KLRG1: variants seen among roughly 807,000 people sequenced by gnomAD.
The protein encoded by KLRG1 is killer cell lectin-like receptor subfamily G member 1.
KLRG1 carries 16 observed loss-of-function variants against 21.8 expected under a neutral mutation model. The ratio of observed to expected loss-of-function variants is 0.73; its 90% CI spans 0.50 to 1.11. The LOEUF (loss-of-function observed/expected upper bound fraction) is 1.11. Among genes scored for constraint, KLRG1 ranks in the 50% most tolerant of loss-of-function variants. KLRG1 has a pLI of 0.00. For synonymous variants in KLRG1, 69 were observed against 75.9 expected (o/e 0.91, Z 0.47); for missense variants, 173 against 218.3 (o/e 0.79, Z 1.31).
chr12:9,077,890 G>A, the KLRG1 span: 6 of 1,613,628 alleles, frequency 3.7e-6, no homozygotes, highest in Non-Finnish European at 5.1e-6. Context: ...TGATGTTTAT[G>A]TTGTCAAAAT....
Position 8,958,561 on chromosome 12 carries a change from A to G in KLRG1, c.-156+8325A>G, listed in dbSNP as rs116604182. ...AAAAGCAACCTGTCAATTTCTGTTA[A>G]AAAATCCTGCTGGGGCAAGGCATAG... On this transcript the variant is annotated intron_variant, in intron 1 of 4. Transcript: ENST00000539240. Among the ~76,000 whole-genome samples, 1,466 of 152,284 alleles carry G rather than the reference A, an allele frequency of 9.6e-3. 20 individuals are homozygous for G. Among genetic ancestry groups the G allele is most frequent in the African/African-American group, 0.033 (1,374 of 41,548 alleles).
At chr12:9,022,513 C>T in the KLRG1 span, among the ~76,000 whole-genome samples, 12,155 of 152,126 alleles carry the variant, frequency 0.08, 739 homozygotes, top group African/African-American at 0.17. Context: ...TTGGGATCTC[C>T]GGAGTGGTAA....
the KLRG1 span, among the ~76,000 whole-genome samples, chr12:9,209,784 C>T: frequency 6.6e-6 from 1 of 152,000 alleles, no homozygotes; most frequent in Non-Finnish European, 1.5e-5. Flanking sequence ...TAATATATAG[C>T]ATAATTTTGT....
At chr12:9,109,953 G>C in the KLRG1 span, 1 of 1,613,886 alleles carries the variant, frequency 6.2e-7, no homozygotes, top group East Asian at 2.2e-5. Context: ...GAAGGGCTCT[G>C]ATGAGAGGGG....
chr12:9,014,465 T>G (rs965961186), downstream of KLRG1, among the ~76,000 whole-genome samples: 1 of 152,134 alleles, frequency 6.6e-6, no homozygotes, highest in African/African-American at 2.4e-5. Flanking sequence ...ATATTTAAAG[T>G]GCTGAAGGAA....
the KLRG1 span, chr12:9,201,326 C>T: frequency 4.9e-5 from 76 of 1,549,178 alleles, no homozygotes; most frequent in East Asian, 1.2e-3. Flanking sequence ...CTGATACTTA[C>T]CTCAAGGTAT....
chr12:9,064,347 G>A, the KLRG1 span: 575 of 154,104 alleles, frequency 3.7e-3, 6 homozygotes, highest in African/African-American at 0.013. The surrounding 1 kb of genome is among the most constrained non-coding windows in gnomAD (Gnocchi z 4.0). Flanking sequence ...GCAGGGAGGG[G>A]CGGGCAGCGG....
At chr12:9,075,466 A>G in the KLRG1 span, among the ~76,000 whole-genome samples, 1 of 152,196 alleles carries the variant, frequency 6.6e-6, no homozygotes, top group Non-Finnish European at 1.5e-5. Flanking sequence ...CCATGAGGAG[A>G]AACTCGATGT....
the KLRG1 span, among the ~76,000 whole-genome samples, chr12:9,177,104 C>T: frequency 9.9e-4 from 150 of 152,266 alleles, 1 homozygote; most frequent in African/African-American, 3.5e-3. Flanking sequence ...TATTCATGCC[C>T]GAACATTGTT....
At chr12:9,053,358 A>G in the KLRG1 span, among the ~76,000 whole-genome samples, 32 of 152,190 alleles carry the variant, frequency 2.1e-4, no homozygotes, top group Non-Finnish European at 3.7e-4. Context: ...ATTAATGGCT[A>G]AGAATGGGAT....
chr12:9,164,227 G>C, the KLRG1 span: 1 of 1,612,878 alleles, frequency 6.2e-7, no homozygotes, highest in South Asian at 1.1e-5. Flanking sequence ...GGGAAGCTAG[G>C]AAGGCTGGAG....
chr12:9,039,423 A>G, the KLRG1 span, among the ~76,000 whole-genome samples: 1 of 152,226 alleles, frequency 6.6e-6, no homozygotes, highest in Non-Finnish European at 1.5e-5. Flanking sequence ...TGACAAAACG[A>G]TCTTATTTGT....
chr12:9,046,332 A>G, the KLRG1 span, among the ~76,000 whole-genome samples: 9 of 152,236 alleles, frequency 5.9e-5, no homozygotes, highest in African/African-American at 1.7e-4. Flanking sequence ...GAACAAAAGG[A>G]ATACTTGAAG....
the KLRG1 span, chr12:9,113,298 A>G: frequency 3.2e-6 from 5 of 1,560,670 alleles, no homozygotes; most frequent in South Asian, 6.0e-5. Flanking sequence ...CTGACAGAAT[A>G]CTAGATCCCT....
the KLRG1 span, among the ~76,000 whole-genome samples, chr12:9,097,530 A>G: frequency 1.3e-5 from 2 of 152,086 alleles, no homozygotes; most frequent in African/African-American, 2.4e-5. Context: ...TCAATTATAT[A>G]GTAGTTCAAT....
the KLRG1 span, among the ~76,000 whole-genome samples, chr12:9,117,564 A>G: frequency 6.6e-6 from 1 of 152,190 alleles, no homozygotes; most frequent in African/African-American, 2.4e-5. Flanking sequence ...TAGCTGGGTG[A>G]GTGAAACAGA....
At chr12:9,112,548 G>T in the KLRG1 span, 4 of 1,613,096 alleles carry the variant, frequency 2.5e-6, no homozygotes, top group East Asian at 2.2e-5. Context: ...TGAAATACAG[G>T]ACCGATCCTG....
At chr12:8,979,185 T>C (rs1364454515) in intron 1 of KLRG1, among the ~76,000 whole-genome samples, 2 of 151,756 alleles carry the variant, frequency 1.3e-5, no homozygotes, top group Non-Finnish European at 2.9e-5. Context: ...TGGTTAATTT[T>C]CTTTGTATTT....
the KLRG1 span, chr12:9,095,794 C>T: frequency 8.7e-7 from 1 of 1,147,528 alleles, no homozygotes; most frequent in South Asian, 1.6e-5. Context: ...GCTCTGTCGC[C>T]CAGGCCGGAC....
Sources: allele counts gnomAD v4.1 joint callset (sites outside exome capture counted in the v4.1 genomes callset), GRCh38; gene constraint gnomAD v4.1.1; non-coding constraint Gnocchi (gnomAD v3.1); transcripts MANE v1.5; gene names NCBI Gene and HGNC (gene_info 2026-07-23, HGNC 2026-07-21).